The following TEX264 variants were observed in gnomAD, a reference collection of about 807,000 sequenced individuals.
TEX264 encodes testis expressed 264, ER-phagy receptor, also known as testis-expressed protein 264.
A neutral mutation model predicts 23.4 loss-of-function variants in TEX264; 13 were observed. The ratio of observed to expected loss-of-function variants is 0.56; its 90% confidence interval spans 0.36 to 0.88. TEX264 has a LOEUF of 0.88. Ranked by LOEUF, TEX264 falls within the 40% of genes least tolerant of loss-of-function variation. The pLI is 0.01. For missense variants in TEX264, 340 were observed against 406.8 expected, an observed-to-expected ratio of 0.84 and a Z score of 1.41; for synonymous variants, 159 against 170.0, an observed-to-expected ratio of 0.94 and a Z score of 0.50.
At chr3:51,688,453 G>T (rs1215815441) in intron 3 of TEX264, among the ~76,000 whole-genome samples, 4 of 152,204 alleles carry the variant, frequency 2.6e-5, no homozygotes, top group African/African-American at 9.7e-5. Context: ...ACTTGGTGAG[G>T]AAGGCCATTG....
At chr3:51,682,576 G>A (rs1034502326) in intron 2 of TEX264, 1 of 152,132 alleles carries the variant, frequency 6.6e-6, no homozygotes, top group Non-Finnish European at 1.5e-5. Context: ...CCACAATTAT[G>A]GGGCATTTGC....
chr3:51,675,940 A>G (rs982669539), intron 2 of TEX264, among the ~76,000 whole-genome samples: 2 of 152,166 alleles, frequency 1.3e-5, no homozygotes, highest in African/African-American at 4.8e-5. Flanking sequence ...TTAGGAAGTT[A>G]GCTGAAGGGC....
At chr3:51,695,616 G>A (rs1372121508) in intron 3 of TEX264, among the ~76,000 whole-genome samples, 1 of 152,242 alleles carries the variant, frequency 6.6e-6, no homozygotes, top group African/African-American at 2.4e-5. Context: ...GGGAAAGCTT[G>A]GCCTGGTGTA....
At chr3:51,696,818 T>C (rs1474758090) in intron 3 of TEX264, among the ~76,000 whole-genome samples, 1 of 152,214 alleles carries the variant, frequency 6.6e-6, no homozygotes, top group Non-Finnish European at 1.5e-5. Context: ...GATTTGGGGC[T>C]GAACAGTCAA....
rs1195071537 is a variant in TEX264, at chr3:51,691,106, A to G, written c.480+6472A>G. Among the ~76,000 whole-genome samples the G allele has an allele frequency of 1.3e-5, 2 of 152,206 alleles. No homozygotes were observed. Among genetic ancestry groups the G allele is most frequent in the Non-Finnish European group, 2.9e-5 (2 of 68,038 alleles). On this transcript the variant is annotated intron_variant, in intron 3 of 4. Coordinates refer to ENST00000341333, the MANE Select transcript of TEX264 (RefSeq NM_015926.6). This position sits in a 1 kb window ranked among gnomAD's most constrained non-coding sequence, Gnocchi z 4.4. ...AGTTGGAGGCTGAGGCTTCAGGTCTAGGAGACTGCTGGGGGAGCCGAGGCA... is the reference window on the plus strand; with the variant it reads ...AGTTGGAGGCTGAGGCTTCAGGTCTGGGAGACTGCTGGGGGAGCCGAGGCA...
In TEX264 at chr3:51,686,192, G is replaced by A. The variant is rs1313722547; in HGVS notation, c.480+1558G>A. 6.6e-6 allele frequency among the ~76,000 whole-genome samples: 1 copy of A among 152,192 alleles called. No homozygotes were observed. Among genetic ancestry groups the A allele is most frequent in the Non-Finnish European group, 1.5e-5 (1 of 68,028 alleles). On this transcript the variant is annotated intron_variant, in intron 3 of 4. Transcript: ENST00000341333. This position sits in a 1 kb window ranked among gnomAD's most constrained non-coding sequence, Gnocchi z 4.1. ...GGACATCAGCCTGTTGGCAGTATTTGACCTGGGAGGCTGCCCTGTGCCTCC... is the reference window on the plus strand; with the variant it reads ...GGACATCAGCCTGTTGGCAGTATTTAACCTGGGAGGCTGCCCTGTGCCTCC...
At chr3:51,675,338 G>A (rs1003943284) in intron 2 of TEX264, among the ~76,000 whole-genome samples, 3 of 152,126 alleles carry the variant, frequency 2.0e-5, no homozygotes. Context: ...CTCTGTCAAG[G>A]GTTCTTCAGC....
chr3:51,686,637 G>A lies in TEX264; in HGVS notation c.480+2003G>A, dbSNP rs1183731645. Among the ~76,000 whole-genome samples the A allele has an allele frequency of 6.6e-6, 1 of 152,022 alleles. No individual in the cohort carries two copies. Among genetic ancestry groups the A allele is most frequent in the African/African-American group, 2.4e-5 (1 of 41,390 alleles). On this transcript the variant is annotated intron_variant, in intron 3 of 4. Coordinates refer to ENST00000341333, the MANE Select transcript of TEX264 (RefSeq NM_015926.6). The surrounding 1 kb of genome is among the most constrained non-coding windows in gnomAD (Gnocchi z 4.1). ...GGGTGGTGGCCAAAAGGGGTGTGGG[G>A]CAGGATGTGCTTGCCTGGCTGCGGT...
At chr3:51,677,498 G>T (rs1702270596) in intron 2 of TEX264, among the ~76,000 whole-genome samples, 1 of 152,196 alleles carries the variant, frequency 6.6e-6, no homozygotes. Context: ...GCCAGAACCT[G>T]CTTCTCTGTG....
chr3:51,674,016 G>A (rs1335909806), intron 1 of TEX264, among the ~76,000 whole-genome samples: 1 of 152,178 alleles, frequency 6.6e-6, no homozygotes, highest in Non-Finnish European at 1.5e-5. Context: ...TGTGACCAGG[G>A]CTGCCAGCTG....
chr3:51,683,614 G>A (rs934872879), intron 2 of TEX264: 2 of 152,266 alleles, frequency 1.3e-5, no homozygotes, highest in Non-Finnish European at 2.9e-5. Context: ...ATGGGTTGCA[G>A]AAGAAGTCTA....
intron 1 of TEX264, chr3:51,671,776 C>T (rs914189081): frequency 6.6e-6 from 1 of 152,436 alleles, no homozygotes; most frequent in Non-Finnish European, 1.5e-5. Context: ...CATAGTCCTT[C>T]CGCCCTCTGC....
intron 4 of TEX264, among the ~76,000 whole-genome samples, chr3:51,702,590 G>A (rs565732544): frequency 2.0e-4 from 30 of 152,324 alleles, no homozygotes; most frequent in Admixed American, 1.8e-3. Flanking sequence ...ACCTGGCTTG[G>A]CTCCAACACC....
At chr3:51,701,211 C>T (rs1703289796) in intron 4 of TEX264, among the ~76,000 whole-genome samples, 2 of 152,018 alleles carry the variant, frequency 1.3e-5, no homozygotes, top group African/African-American at 4.8e-5. Context: ...TAGGTAGGGC[C>T]CTGCCTTGCC....
chr3:51,684,812 C>T (rs566097738), intron 3 of TEX264, among the ~76,000 whole-genome samples, 178 bp downstream of exon 3: 2 of 152,236 alleles, frequency 1.3e-5, no homozygotes, highest in African/African-American at 4.8e-5. Context: ...GCATCTCTTT[C>T]AGATGCCCAA....
At chr3:51,678,342 A>C (rs899741723) in intron 2 of TEX264, among the ~76,000 whole-genome samples, 2 of 152,072 alleles carry the variant, frequency 1.3e-5, no homozygotes, top group Non-Finnish European at 2.9e-5. Flanking sequence ...CTGGGCTGCT[A>C]TCACTGTGCC....
At chr3:51,676,271 G>A (rs976613680) in intron 2 of TEX264, among the ~76,000 whole-genome samples, 1 of 152,204 alleles carries the variant, frequency 6.6e-6, no homozygotes, top group African/African-American at 2.4e-5. Flanking sequence ...GTGTCTGCCT[G>A]TTCTGGAATC....
intron 2 of TEX264, chr3:51,682,555 GCTA>G (rs1169485584): frequency 3.3e-5 from 5 of 152,198 alleles, no homozygotes; most frequent in African/African-American, 9.7e-5. Context: ...CTGTGTCATA[GCTA>G]CTAATAACCA....
At chr3:51,692,280 T>A (rs1191756180) in intron 3 of TEX264, among the ~76,000 whole-genome samples, 1 of 152,084 alleles carries the variant, frequency 6.6e-6, no homozygotes, top group Non-Finnish European at 1.5e-5. Flanking sequence ...AAGCTTGAGA[T>A]TGGAATTAGG....
Sources: allele counts gnomAD v4.1 joint callset (sites outside exome capture counted in the v4.1 genomes callset), GRCh38; gene constraint gnomAD v4.1.1; non-coding constraint Gnocchi (gnomAD v3.1); transcripts MANE v1.5; gene names NCBI Gene and HGNC (gene_info 2026-07-23, HGNC 2026-07-21).